The following PPP2R5C variants were observed in gnomAD, a reference collection of about 807,000 sequenced individuals.
The protein encoded by PPP2R5C is protein phosphatase 2 regulatory subunit B'gamma.
Under a neutral mutation model 68.9 loss-of-function variants are expected in PPP2R5C, and 7 were observed. The observed-to-expected ratio is 0.10, with a 90% CI of 0.06 to 0.19. PPP2R5C has a LOEUF of 0.19. PPP2R5C is among the 10% of genes least tolerant of loss of function. The probability of loss-of-function intolerance (pLI) is 1.00; values close to 1 mark genes in which losing one functional copy is unlikely to be tolerated. For missense variants in PPP2R5C, 348 were observed against 641.3 expected (o/e 0.54, Z 4.94); for synonymous variants, 210 against 222.2 (o/e 0.95, Z 0.49).
At chr14:101,761,073 A>T (rs1285014418), upstream of PPP2R5C, among the ~76,000 whole-genome samples, 1 of 19,156 alleles carries the variant, frequency 5.2e-5, no homozygotes, top group African/African-American at 2.5e-4. Flanking sequence ...GAGGGAGAGG[A>T]GGGAAGGGGA....
chr14:101,924,460 G>T (rs1414473166), intron 13 of PPP2R5C, among the ~76,000 whole-genome samples: 9 of 44,880 alleles, frequency 2.0e-4, no homozygotes, highest in African/African-American at 3.5e-4. Flanking sequence ...TTTTTTTTGA[G>T]ATGGAGTCTG....
intron 2 of PPP2R5C, among the ~76,000 whole-genome samples, chr14:101,865,338 C>T (rs966118857): frequency 2.0e-5 from 3 of 152,252 alleles, no homozygotes; most frequent in Non-Finnish European, 2.9e-5. Context: ...ATGCAGCCTT[C>T]CTTCTTTGGG....
chr14:101,856,339 G>A (rs1195338929), intron 1 of PPP2R5C, among the ~76,000 whole-genome samples: 1 of 152,206 alleles, frequency 6.6e-6, no homozygotes, highest in Non-Finnish European at 1.5e-5. Flanking sequence ...CTTACTGGTT[G>A]CCTCTCATTC....
Position 101,845,008 on chromosome 14 carries a change from G to C in PPP2R5C, c.95-11678G>C, listed in dbSNP as rs539694823. On this transcript the variant is annotated intron_variant, in intron 1 of 13. Transcript: ENST00000334743. ...TTAGTAATCAGTGCCCTGGGTGCCTGTTCTCCCCAAGGCTTTCTAGAACTA... is the reference window on the plus strand; with the variant it reads ...TTAGTAATCAGTGCCCTGGGTGCCTCTTCTCCCCAAGGCTTTCTAGAACTA... 9.9e-5 allele frequency among the ~76,000 whole-genome samples: 15 copies of C among 152,226 alleles called. No homozygotes were observed. The South Asian group carries it at 2.9e-3, about 29-fold the overall frequency.
At position 101,825,085 on chromosome 14, in the gene PPP2R5C, C is replaced by T. The variant is rs139871627; in HGVS notation, c.94+15049C>T. Among the ~76,000 whole-genome samples the T allele has an allele frequency of 1.1e-3, 163 of 152,282 alleles. No individual in the cohort carries two copies. The highest frequency in any genetic ancestry group is 3.7e-3 in the African/African-American group (155 of 41,570). ...CAGCAGTGGCTTCTCACGCCATCTTCGTCACTACACAAGGGGAAGTTGGGC... is the reference window on the plus strand; with the variant it reads ...CAGCAGTGGCTTCTCACGCCATCTTTGTCACTACACAAGGGGAAGTTGGGC... On this transcript the variant is annotated intron_variant, in intron 1 of 13. Transcript: ENST00000334743. This position sits in a 1 kb window ranked among gnomAD's most constrained non-coding sequence, Gnocchi z 4.0.
At chr14:101,845,972 G>A (rs942062172) in intron 1 of PPP2R5C, among the ~76,000 whole-genome samples, 11 of 152,158 alleles carry the variant, frequency 7.2e-5, no homozygotes, top group African/African-American at 2.2e-4. Flanking sequence ...TGTACCTGGC[G>A]GTACTGTTCA....
At chr14:101,785,916 T>G (rs941647952) in intron 2 of PPP2R5C, 102 bp from the exon 3 acceptor site, 2 of 1,072,492 alleles carry the variant, frequency 1.9e-6, no homozygotes, top group Non-Finnish European at 2.5e-6. Flanking sequence ...TGAAGGGGAA[T>G]GCCCCAGAGT....
At chr14:101,806,649 A>G (rs1230415439), upstream of PPP2R5C, among the ~76,000 whole-genome samples, 1 of 152,010 alleles carries the variant, frequency 6.6e-6, no homozygotes, top group African/African-American at 2.4e-5. Flanking sequence ...TTGCTTTTGG[A>G]GAGAACATAC....
intron 5 of PPP2R5C, among the ~76,000 whole-genome samples, chr14:101,887,968 C>T (rs994842337): frequency 1.3e-5 from 2 of 152,156 alleles, no homozygotes; most frequent in African/African-American, 4.8e-5. Flanking sequence ...CCCTGTTTGT[C>T]TCCCGCTGGA....
At chr14:101,850,663 A>G (rs1402191038) in intron 1 of PPP2R5C, among the ~76,000 whole-genome samples, 1 of 152,230 alleles carries the variant, frequency 6.6e-6, no homozygotes, top group Non-Finnish European at 1.5e-5. Flanking sequence ...CTAGAAACTC[A>G]GACTCCAGGT....
chr14:101,923,757 G>C (rs7152695), intron 13 of PPP2R5C, among the ~76,000 whole-genome samples: 1 of 151,984 alleles, frequency 6.6e-6, no homozygotes, highest in Non-Finnish European at 1.5e-5. Flanking sequence ...TGTTTTCATC[G>C]GTAAATTTGC....
At position 101,868,699 on chromosome 14, in the gene PPP2R5C, A is replaced by G. The variant is rs543586672; in HGVS notation, c.294+11814A>G. Among the ~76,000 whole-genome samples, 6 of 152,360 alleles carry G rather than the reference A, an allele frequency of 3.9e-5. No homozygotes were observed. The South Asian group carries it at 1.2e-3, about 32-fold the overall frequency. ...TTTGGTCTAGGGGTGCAGTGAAGAA[A>G]TTACTAAGACACCAAGGGCATTGTG... On this transcript the variant is annotated intron_variant, in intron 2 of 13. Coordinates refer to ENST00000334743, the Ensembl canonical transcript of PPP2R5C.
At position 101,811,105 on chromosome 14, in the gene PPP2R5C, A is replaced by G. The variant is rs533844190; in HGVS notation, c.94+1069A>G. 7.9e-5 allele frequency among the ~76,000 whole-genome samples: 12 copies of G among 152,316 alleles called. No homozygotes were observed. The South Asian group carries it at 8.3e-4, about 11-fold the overall frequency. On this transcript the variant is annotated intron_variant, in intron 1 of 13. Coordinates refer to ENST00000334743, the Ensembl canonical transcript of PPP2R5C. ...CAGATCCTAGGGTGTACCCAGGCAC[A>G]TGCAGACTCAATCTACTGGAATAAA...
chr14:101,798,538 C>T (rs61994030), intron 3 of PPP2R5C, among the ~76,000 whole-genome samples: 4 of 152,070 alleles, frequency 2.6e-5, no homozygotes, highest in South Asian at 2.1e-4. Flanking sequence ...AGGCTGAGGA[C>T]GGGGAGAATC....
At chr14:101,838,199 A>G (rs1566890254) in intron 1 of PPP2R5C, among the ~76,000 whole-genome samples, 1 of 152,234 alleles carries the variant, frequency 6.6e-6, no homozygotes, top group Non-Finnish European at 1.5e-5. Flanking sequence ...AGGTTTTGGA[A>G]GGGGGCAGAC....
intron 1 of PPP2R5C, chr14:101,820,432 C>CAA (rs1270625286): frequency 6.6e-6 from 1 of 152,222 alleles, no homozygotes; most frequent in African/African-American, 2.4e-5. Flanking sequence ...ATGCTACAAA[C>CAA]AAGCGTGGGT....
chr14:101,891,514 G>A lies in PPP2R5C; in HGVS notation c.689+1218G>A, dbSNP rs1345533672. ...GGGCAGGTACTTCTGTAAGATAGGC[G>A]CATCCTCGCATTTCCCTCCTAGGTT... On this transcript the variant is annotated intron_variant, in intron 6 of 13. Coordinates refer to ENST00000334743, the Ensembl canonical transcript of PPP2R5C. This position sits in a 1 kb window ranked among gnomAD's most constrained non-coding sequence, Gnocchi z 4.9. Among the ~76,000 whole-genome samples the A allele has an allele frequency of 1.3e-5, 2 of 152,158 alleles. No individual in the cohort carries two copies. The highest frequency in any genetic ancestry group is 2.1e-4 in the South Asian group (1 of 4,826).
intron 5 of PPP2R5C, among the ~76,000 whole-genome samples, chr14:101,885,006 G>A (rs1269472699): frequency 1.3e-5 from 2 of 152,260 alleles, no homozygotes; most frequent in Non-Finnish European, 2.9e-5. Flanking sequence ...TCTCTGGTCA[G>A]CTTGCCTCTA....
chr14:101,775,814 T>C (rs1368021225), intron 2 of PPP2R5C, among the ~76,000 whole-genome samples: 3 of 152,128 alleles, frequency 2.0e-5, no homozygotes, highest in African/African-American at 7.2e-5. Flanking sequence ...CACCTCATCT[T>C]TCCTTGTCTC....
Sources: gnomAD v4.1 joint callset for allele counts (sites outside exome capture counted in the v4.1 genomes callset) on GRCh38, gnomAD v4.1.1 for gene constraint, Gnocchi (gnomAD v3.1) non-coding constraint, MANE v1.5 for transcripts, NCBI Gene and HGNC (gene_info 2026-07-23, HGNC 2026-07-21) for gene names.